Variants in TCOF1 observed in about 807,000 individuals in gnomAD.
TCOF1 encodes treacle ribosome biogenesis factor 1, also known as treacle protein.
In TCOF1, 33 loss-of-function variants were observed where a neutral mutation model predicts 149.0. That is an observed-to-expected ratio of 0.22 (90% CI 0.17 to 0.30). The LOEUF is 0.30. Among genes scored for constraint, TCOF1 ranks in the 10% least tolerant of loss-of-function variants. TCOF1 has a pLI of 1.00. For synonymous variants in TCOF1, 789 were observed against 738.8 expected (o/e 1.07, Z -1.10); for missense variants, 1,728 against 1,840.7 (o/e 0.94, Z 1.12).
At position 150,361,339 on chromosome 5, in the gene TCOF1, C is replaced by A. The variant is rs1431889891; in HGVS notation, c.164+128C>A. The A allele has an allele frequency of 3.8e-6, 4 of 1,042,630 alleles. No homozygotes were observed. The Admixed American group carries it at 5.5e-5, about 14-fold the overall frequency. 64.6% of individuals were successfully genotyped at this position (1,042,630 alleles called of 1,614,324 possible). ...CCCACTGTGGACACCATTGTTGCCT[C>A]CAGAAAGCCAGCTCACATCACATGG... On this transcript the variant is annotated intron_variant, in intron 2 of 26. Transcript: ENST00000643257.
chr5:150,362,259 G>A (rs1760288460), intron 2 of TCOF1, among the ~76,000 whole-genome samples: 1 of 152,196 alleles, frequency 6.6e-6, no homozygotes, highest in African/African-American at 2.4e-5. Context: ...TCAAGGAAGG[G>A]GGAATCATCC....
chr5:150,358,681 A>G (rs981736857), intron 1 of TCOF1, among the ~76,000 whole-genome samples: 1 of 151,856 alleles, frequency 6.6e-6, no homozygotes, highest in Non-Finnish European at 1.5e-5. Context: ...TACTAAAAAT[A>G]CAAAAATTAG....
intron 2 of TCOF1, among the ~76,000 whole-genome samples, chr5:150,363,100 G>A (rs949501123): frequency 6.6e-6 from 1 of 152,134 alleles, no homozygotes; most frequent in Non-Finnish European, 1.5e-5. Context: ...ACCGGTTGGA[G>A]GCTCCCCGAC....
Position 150,392,371 on chromosome 5 carries a change from G to A in TCOF1, c.3517+195G>A, listed in dbSNP as rs1003484572. 9 of 651,598 alleles carry A rather than the reference G, an allele frequency of 1.4e-5. No individual in the cohort carries two copies. The Middle Eastern group carries it at 1.3e-3, about 92-fold the overall frequency. 40.4% of individuals were successfully genotyped at this position (651,598 alleles called of 1,614,324 possible). A position where few individuals can be genotyped will look rare whatever the true frequency, so the allele number is the denominator to read the frequency against. On this transcript the variant is annotated intron_variant, in intron 21 of 26. Transcript: ENST00000643257. ...ATGATTTCAGAGACCTGACTTTGCT[G>A]TTTGACCACTCTCAGCTTTTTGGTA...
intron 17 of TCOF1, 59 bp downstream of exon 17, chr5:150,379,791 G>A: frequency 6.3e-7 from 1 of 1,580,536 alleles, no homozygotes; most frequent in Non-Finnish European, 8.6e-7. Flanking sequence ...GGGGTATAGG[G>A]CTGGGCGTGG....
chr5:150,395,632 T>TAGAG (rs1204609446), intron 23 of TCOF1, among the ~76,000 whole-genome samples: 1 of 152,038 alleles, frequency 6.6e-6, no homozygotes, highest in Non-Finnish European at 1.5e-5. Context: ...GAAGTCTCTC[T>TAGAG]GGCAGGCAGT....
intron 17 of TCOF1, among the ~76,000 whole-genome samples, chr5:150,381,436 A>G (rs145953792): frequency 2.0e-5 from 3 of 152,354 alleles, no homozygotes; most frequent in Admixed American, 6.5e-5. Context: ...CAGGTCTCTG[A>G]GAGGCCAGAA....
In TCOF1 at chr5:150,375,383, C is replaced by T. The variant is rs1306901501; in HGVS notation, c.1533C>T (p.Thr511=). 4.3e-6 allele frequency: 7 copies of T among 1,612,558 alleles called. No individual in the cohort carries two copies. The South Asian group carries it at 4.4e-5, about 10-fold the overall frequency. Residue 511 remains threonine (T), a synonymous_variant, in exon 11 of 27, where the codon ACC becomes ACT. Transcript: ENST00000643257. The part of the protein sequence containing the change: ...GKSPQVKPAS[T]MGMGPLGKGA... The stretch of plus-strand genomic sequence containing the variant: ...GCCCCCAGGTGAAACCTGCCTCTAC[C>T]ATGGGCATGGGGCCCTTGGGGAAAG...
intron 6 of TCOF1, among the ~76,000 whole-genome samples, 197 bp from the exon 7 acceptor site, chr5:150,371,809 C>G (rs190545437): frequency 2.0e-5 from 3 of 152,324 alleles, no homozygotes; most frequent in East Asian, 1.9e-4. Context: ...TCATATTGAT[C>G]ATGAGTGATT....
At chr5:150,384,561 G>A in intron 17 of TCOF1, 2 of 985,490 alleles carry the variant, frequency 2.0e-6, no homozygotes, top group Non-Finnish European at 2.4e-6. Context: ...CTAAACAACT[G>A]GGAGGGAGGG....
At chr5:150,385,429 A>T (rs780946275) in intron 17 of TCOF1, among the ~76,000 whole-genome samples, 1 of 152,046 alleles carries the variant, frequency 6.6e-6, no homozygotes, top group African/African-American at 2.4e-5. Flanking sequence ...ATTCATCTCA[A>T]TCTCTGGGAT....
At chr5:150,383,715 G>A in intron 17 of TCOF1, 1 of 1,551,564 alleles carries the variant, frequency 6.4e-7, no homozygotes, top group Non-Finnish European at 8.7e-7. Context: ...CTGGCTCCCT[G>A]TATCTCTCTG....
At chr5:150,363,023 A>C (rs1447713178) in intron 2 of TCOF1, among the ~76,000 whole-genome samples, 1 of 152,152 alleles carries the variant, frequency 6.6e-6, no homozygotes, top group Non-Finnish European at 1.5e-5. Flanking sequence ...AAATGAAAAT[A>C]ATGATGGCAA....
At chr5:150,391,065 G>A (rs1419171714) in intron 19 of TCOF1, among the ~76,000 whole-genome samples, 1 of 152,192 alleles carries the variant, frequency 6.6e-6, no homozygotes, top group Non-Finnish European at 1.5e-5. Context: ...CAGGGAAACT[G>A]CAGGTACCAG....
chr5:150,393,660 C>G (rs1463878458), intron 23 of TCOF1, 108 bp downstream of exon 23: 1 of 1,435,598 alleles, frequency 7.0e-7, no homozygotes, highest in Non-Finnish European at 9.6e-7. Flanking sequence ...TCCTGTCTGC[C>G]CCCAGAGCCT....
chr5:150,392,780 C>T lies in TCOF1; in HGVS notation c.3593C>T (p.Ala1198Val), dbSNP rs754773014. Reference protein sequence around the residue: ...AAESSEDDVVAPSQSLLSGYM... With the variant: ...AAESSEDDVVVPSQSLLSGYM... ...GAGTCCAGCGAGGATGATGTGGTGG[C>T]GCCATCCCAGGTAACTGCAAGGGAG... The change falls in exon 22 of 27, where the codon GCG becomes GTG. Residue 1198 changes from alanine to valine, a missense_variant. Transcript: ENST00000643257. The T allele has an allele frequency of 8.7e-6, 14 of 1,613,796 alleles. No homozygotes were observed. Among genetic ancestry groups the T allele is most frequent in the East Asian group, 4.5e-5 (2 of 44,898 alleles).
At chr5:150,380,111 G>C (rs1470275316) in intron 17 of TCOF1, 1 of 263,688 alleles carries the variant, frequency 3.8e-6, no homozygotes, top group Admixed American at 5.0e-5. Flanking sequence ...TGAAAAACCA[G>C]GGTTTAGGGC....
chr5:150,396,537 A>G lies in TCOF1; in HGVS notation c.4040A>G (p.Lys1347Arg), dbSNP rs1172106416. 4.4e-6 allele frequency: 7 copies of G among 1,601,012 alleles called. No individual in the cohort carries two copies. The Admixed American group carries it at 1.2e-4, about 28-fold the overall frequency. The change falls in exon 24 of 27, where the codon AAG (lysine) becomes AGG (arginine). Residue 1347 changes from lysine (K) to arginine (R), a missense_variant. Coordinates refer to ENST00000643257, the MANE Select transcript of TCOF1 (RefSeq NM_001371623.1). ...AGCAGGAAGGGCTGGGAGAGCCGCA[A>G]GCGGAAGCTATCGGGAGACCAGCCA... ...ESSRKGWESR[K>R]RKLSGDQPAA...
At chr5:150,358,395 A>G (rs1028242274) in intron 1 of TCOF1, among the ~76,000 whole-genome samples, 1 of 151,772 alleles carries the variant, frequency 6.6e-6, no homozygotes, top group Non-Finnish European at 1.5e-5. Context: ...GATTAATTCA[A>G]CTGTTAATCC....
Sources: allele counts gnomAD v4.1 joint callset (sites outside exome capture counted in the v4.1 genomes callset), GRCh38; gene constraint gnomAD v4.1.1; transcripts MANE v1.5; gene names NCBI Gene and HGNC (gene_info 2026-07-23, HGNC 2026-07-21).